The following DPYD variants were observed in gnomAD, a reference collection of about 807,000 sequenced individuals.
The protein encoded by DPYD is dihydropyrimidine dehydrogenase.
In DPYD, 109 loss-of-function variants were observed where a neutral mutation model predicts 116.2. The ratio of observed to expected loss-of-function variants is 0.94; its 90% CI spans 0.80 to 1.10. The LOEUF is 1.10. DPYD is among the 50% of genes least tolerant of loss of function. The pLI is 0.00. For missense variants in DPYD, 1,302 were observed against 1,254.5 expected, an observed-to-expected ratio of 1.04 and a Z score of -0.57; for synonymous variants, 440 against 432.0, an observed-to-expected ratio of 1.02 and a Z score of -0.23.
chr1:97,340,975 A>T (rs1421861869), intron 16 of DPYD, among the ~76,000 whole-genome samples: 1 of 152,206 alleles, frequency 6.6e-6, no homozygotes, highest in Non-Finnish European at 1.5e-5. Flanking sequence ...ATAAATCTAA[A>T]TCTAAACCAA....
chr1:97,500,251 T>C (rs927027400), intron 13 of DPYD, among the ~76,000 whole-genome samples: 3 of 151,780 alleles, frequency 2.0e-5, no homozygotes, highest in Admixed American at 1.3e-4. Context: ...TAATTATGTA[T>C]TGAAATATTT....
chr1:97,766,009 C>A (rs1665832070), intron 3 of DPYD, among the ~76,000 whole-genome samples: 2 of 152,004 alleles, frequency 1.3e-5, no homozygotes, highest in African/African-American at 4.8e-5. Flanking sequence ...TTCAGGAGGC[C>A]AGGGCAGGCA....
chr1:97,526,456 C>A (rs1649106148), intron 12 of DPYD, among the ~76,000 whole-genome samples: 1 of 152,104 alleles, frequency 6.6e-6, no homozygotes, highest in Non-Finnish European at 1.5e-5. Flanking sequence ...GGCCAGGTAC[C>A]TTCCTACTAA....
At chr1:97,290,499 T>C (rs1460327657) in intron 18 of DPYD, among the ~76,000 whole-genome samples, 9 of 151,918 alleles carry the variant, frequency 5.9e-5, no homozygotes, top group African/African-American at 2.2e-4. Flanking sequence ...TATAGATCAA[T>C]GGAACAGAAC....
rs190531990 is a variant in DPYD at position 97,827,852 on chromosome 1, T to C, written c.233+262A>G. 1.2e-3 allele frequency among the ~76,000 whole-genome samples: 188 copies of C among 152,284 alleles called. No homozygotes were observed. The Middle Eastern group carries it at 0.024, about 19-fold the overall frequency. Reference sequence around the variant, plus strand: ...AATATTTTCATTCAATCACACAGTTTAGTATAAGTATAAAACAAGACACCC... The same window carrying C: ...AATATTTTCATTCAATCACACAGTTCAGTATAAGTATAAAACAAGACACCC... On this transcript the variant is annotated intron_variant, in intron 3 of 22. Transcript: ENST00000370192.
intron 19 of DPYD, among the ~76,000 whole-genome samples, chr1:97,211,071 A>G (rs1660002440): frequency 6.6e-6 from 1 of 152,174 alleles, no homozygotes; most frequent in East Asian, 1.9e-4. Flanking sequence ...TAATTAGATC[A>G]TAATTTGCCA....
intron 13 of DPYD, among the ~76,000 whole-genome samples, chr1:97,503,655 C>T (rs903179133): frequency 9.9e-5 from 15 of 152,046 alleles, no homozygotes; most frequent in African/African-American, 3.4e-4. Context: ...TCCTCAACAC[C>T]CTCCATATTG....
intron 16 of DPYD, among the ~76,000 whole-genome samples, chr1:97,359,847 C>A (rs1310053396): frequency 6.6e-6 from 1 of 152,146 alleles, no homozygotes; most frequent in Non-Finnish European, 1.5e-5. Context: ...CCAGCCACTG[C>A]AAAAATATGC....
In DPYD at chr1:97,503,624, G is replaced by A. The variant is rs188396709; in HGVS notation, c.1740+12102C>T. Among the ~76,000 whole-genome samples the A allele has an allele frequency of 3.9e-5, 6 of 152,004 alleles. No individual in the cohort carries two copies. In the East Asian group the frequency reaches 1.2e-3, roughly 30 times the overall value. On this transcript the variant is annotated intron_variant, in intron 13 of 22. Transcript: ENST00000370192. ...AATGTATGGCTTGACTTCTATTGCT[G>A]TCTTATGGCTCTCCCAGTCCTCCTC... is the stretch of plus-strand genomic sequence containing the variant.
intron 10 of DPYD, among the ~76,000 whole-genome samples, chr1:97,577,980 A>T (rs1653386054): frequency 6.6e-6 from 1 of 151,730 alleles, no homozygotes; most frequent in Non-Finnish European, 1.5e-5. Context: ...CAAGTAGCTG[A>T]AATTACAGGC....
At chr1:97,729,993 T>A (rs1448365334) in intron 4 of DPYD, among the ~76,000 whole-genome samples, 1 of 152,200 alleles carries the variant, frequency 6.6e-6, no homozygotes, top group Non-Finnish European at 1.5e-5. Context: ...AAGACCTTTA[T>A]CAATACTTCA....
Position 97,173,639 on chromosome 1 carries a change from G to A in DPYD, c.2622+19430C>T, listed in dbSNP as rs531941538. Among the ~76,000 whole-genome samples the A allele has an allele frequency of 8.0e-5, 12 of 150,026 alleles. No homozygotes were observed. In the South Asian group the frequency reaches 2.6e-3, roughly 32 times the overall value. ...TCTCAATTAACTACTGCAGTGCCTG[G>A]CATGGAATACTCAATATATGTTAAA... is the stretch of plus-strand genomic sequence containing the variant. On this transcript the variant is annotated intron_variant, in intron 20 of 22. Coordinates refer to ENST00000370192, the MANE Select transcript of DPYD (RefSeq NM_000110.4).
At position 97,907,403 on chromosome 1, in the gene DPYD, TCTTAA is replaced by T. The variant is rs552227082; in HGVS notation, c.39+13476_39+13480del. Among the ~76,000 whole-genome samples, 77 of 152,222 alleles carry T rather than the reference TCTTAA, an allele frequency of 5.1e-4. 1 individual carries two copies. The East Asian group carries it at 0.011, about 22-fold the overall frequency. On this transcript the variant is annotated intron_variant, in intron 1 of 22. Coordinates refer to ENST00000370192, the MANE Select transcript of DPYD (RefSeq NM_000110.4). Reference sequence around the variant, plus strand: ...AGTAACAGCTTACATTTGCATTTGTTCTTAACTTATTTCTTCCAAACAACAACATT... The same window carrying T: ...AGTAACAGCTTACATTTGCATTTGTTCTTATTTCTTCCAAACAACAACATT...
chr1:97,563,356 C>T (rs1011829599), intron 11 of DPYD, among the ~76,000 whole-genome samples: 13 of 152,166 alleles, frequency 8.5e-5, no homozygotes, highest in African/African-American at 2.7e-4. Flanking sequence ...TTATCTATTA[C>T]ACTCACCGTA....
chr1:97,560,645 T>C (rs953555027), intron 11 of DPYD, among the ~76,000 whole-genome samples: 1 of 151,736 alleles, frequency 6.6e-6, no homozygotes, highest in Non-Finnish European at 1.5e-5. Context: ...AAGAGACCCA[T>C]CCTTGTGTGT....
intron 5 of DPYD, chr1:97,720,215 C>A: frequency 3.0e-6 from 3 of 984,684 alleles, no homozygotes; most frequent in Non-Finnish European, 3.6e-6. Flanking sequence ...ATGACCAGAT[C>A]AATTACTAAT....
At chr1:97,372,123 A>G (rs975722243) in intron 16 of DPYD, among the ~76,000 whole-genome samples, 1 of 152,198 alleles carries the variant, frequency 6.6e-6, no homozygotes, top group Admixed American at 6.5e-5. Context: ...TTTCAAAATA[A>G]TTGTCGTATT....
At chr1:97,448,616 CTTT>C (rs201268158) in intron 14 of DPYD, among the ~76,000 whole-genome samples, 2 of 142,202 alleles carry the variant, frequency 1.4e-5, no homozygotes, top group Non-Finnish European at 1.5e-5. Flanking sequence ...TATAGTTGAT[CTTT>C]TTTTTTTTTT....
chr1:97,632,714 A>C lies in DPYD; in HGVS notation c.851-37548T>G, dbSNP rs80290591. Among the ~76,000 whole-genome samples, 73 of 152,256 alleles carry C rather than the reference A, an allele frequency of 4.8e-4. 2 individuals are homozygous for C. The East Asian group carries it at 0.014, about 29-fold the overall frequency. On this transcript the variant is annotated intron_variant, in intron 8 of 22. Coordinates refer to ENST00000370192, the MANE Select transcript of DPYD (RefSeq NM_000110.4). ...AAATAAGCAACCATTTCCTTATTGAAATGGTCAACAAGGACCTCAGTTAAA... is the reference window on the plus strand; with the variant it reads ...AAATAAGCAACCATTTCCTTATTGACATGGTCAACAAGGACCTCAGTTAAA...
Sources: allele counts gnomAD v4.1 joint callset (sites outside exome capture counted in the v4.1 genomes callset), GRCh38; gene constraint gnomAD v4.1.1; transcripts MANE v1.5; gene names NCBI Gene and HGNC (gene_info 2026-07-23, HGNC 2026-07-21).